Variants in HYAL4 observed in about 807,000 individuals in gnomAD.
The protein encoded by HYAL4 is hyaluronidase-4.
A neutral mutation model predicts 35.2 loss-of-function variants in HYAL4; 37 were observed. The observed-to-expected ratio is 1.05, with a 90% CI of 0.81 to 1.38. The LOEUF (loss-of-function observed/expected upper bound fraction) is 1.38. HYAL4 is among the 40% of genes most tolerant of loss of function. The pLI is 0.00. For missense variants in HYAL4, 572 were observed against 572.4 expected (o/e 1.00, Z 0.01); for synonymous variants, 198 against 203.2 (o/e 0.97, Z 0.22).
the HYAL4 span, among the ~76,000 whole-genome samples, chr7:123,822,503 C>T: frequency 1.3e-5 from 2 of 152,090 alleles, no homozygotes; most frequent in Admixed American, 1.3e-4. Context: ...ATCCTGCAAC[C>T]TTACTGAATT....
At chr7:123,765,538 A>G in the HYAL4 span, among the ~76,000 whole-genome samples, 1 of 152,192 alleles carries the variant, frequency 6.6e-6, no homozygotes, top group Non-Finnish European at 1.5e-5. Context: ...CTTAGTTTTC[A>G]TAAACTTTTC....
chr7:123,817,419 A>G, the HYAL4 span, among the ~76,000 whole-genome samples: 89 of 152,026 alleles, frequency 5.9e-4, no homozygotes, highest in African/African-American at 2.0e-3. Context: ...TTGTTGAGGC[A>G]TCATCATTTC....
intron 1 of HYAL4, among the ~76,000 whole-genome samples, chr7:123,836,060 G>A (rs1805959531): frequency 1.3e-5 from 2 of 152,032 alleles, no homozygotes; most frequent in African/African-American, 4.8e-5. Flanking sequence ...GTGGTTGTTG[G>A]GTAGAATATT....
chr7:123,801,466 A>G, the HYAL4 span, among the ~76,000 whole-genome samples: 3 of 152,260 alleles, frequency 2.0e-5, no homozygotes, highest in South Asian at 2.1e-4. Context: ...CTTTTCTCTC[A>G]TGAAAGGCCT....
intron 1 of HYAL4, among the ~76,000 whole-genome samples, chr7:123,839,815 C>A (rs1461035705): frequency 1.5e-5 from 2 of 131,964 alleles, no homozygotes; most frequent in Non-Finnish European, 3.2e-5. Context: ...ATCCTTTGCC[C>A]ACTTTTTAAT....
chr7:123,781,398 C>T, the HYAL4 span, among the ~76,000 whole-genome samples: 3 of 139,322 alleles, frequency 2.2e-5, no homozygotes, highest in Admixed American at 1.5e-4. Flanking sequence ...CCTGACACAT[C>T]CCCCTCTTTG....
intron 2 of HYAL4, among the ~76,000 whole-genome samples, chr7:123,857,685 C>CTTTGTTTG (rs1369815480): frequency 0.046 from 6,471 of 139,210 alleles, 207 homozygotes; most frequent in Middle Eastern, 0.081. Flanking sequence ...TTCTTTCTTT[C>CTTTGTTTG]TTTCTTTCTT....
the HYAL4 span, among the ~76,000 whole-genome samples, chr7:123,772,181 T>C: frequency 6.6e-6 from 1 of 152,176 alleles, no homozygotes; most frequent in African/African-American, 2.4e-5. Context: ...CTTTTTTATA[T>C]ATAAAAAGGT....
chr7:123,826,403 T>C (rs1805803381), upstream of HYAL4, among the ~76,000 whole-genome samples: 1 of 152,146 alleles, frequency 6.6e-6, no homozygotes, highest in African/African-American at 2.4e-5. Context: ...CAGTGCTGTA[T>C]AGCTGAATGG....
At chr7:123,875,789 C>G (rs957448195) in intron 4 of HYAL4, among the ~76,000 whole-genome samples, 4 of 151,794 alleles carry the variant, frequency 2.6e-5, no homozygotes, top group African/African-American at 9.7e-5. Flanking sequence ...TTCCATATTT[C>G]CAGATGCGGT....
At chr7:123,864,979 G>A (rs1272444091) in intron 2 of HYAL4, among the ~76,000 whole-genome samples, 1 of 151,958 alleles carries the variant, frequency 6.6e-6, no homozygotes, top group Non-Finnish European at 1.5e-5. Context: ...TCTACCATCT[G>A]CCATGTAAGG....
At chr7:123,856,565 G>A (rs866965645) in intron 2 of HYAL4, among the ~76,000 whole-genome samples, 3 of 152,260 alleles carry the variant, frequency 2.0e-5, no homozygotes, top group African/African-American at 7.2e-5. Context: ...TCCTCTGGAA[G>A]CTTTATCCCA....
At chr7:123,826,790 G>C (rs1196224422), upstream of HYAL4, among the ~76,000 whole-genome samples, 2 of 152,074 alleles carry the variant, frequency 1.3e-5, no homozygotes, top group Non-Finnish European at 2.9e-5. Flanking sequence ...GCGAGAGCTA[G>C]TAGTGATCTG....
At chr7:123,805,875 A>T in the HYAL4 span, among the ~76,000 whole-genome samples, 1 of 152,206 alleles carries the variant, frequency 6.6e-6, no homozygotes, top group South Asian at 2.1e-4. Context: ...GGCACCTGTA[A>T]TCCCAGCTAC....
At chr7:123,784,645 A>G in the HYAL4 span, among the ~76,000 whole-genome samples, 2 of 152,206 alleles carry the variant, frequency 1.3e-5, no homozygotes, top group Non-Finnish European at 1.5e-5. Flanking sequence ...TTTATTTAGC[A>G]ATGTTTTTCT....
chr7:123,874,978 C>G, intron 4 of HYAL4, 128 bp downstream of exon 4: 1 of 623,822 alleles, frequency 1.6e-6, no homozygotes, highest in Non-Finnish European at 2.9e-6. Flanking sequence ...GTGCCTGATA[C>G]ATAGCAAAGG....
At chr7:123,842,981 G>T (rs1007371626), upstream of HYAL4, among the ~76,000 whole-genome samples, 2 of 151,918 alleles carry the variant, frequency 1.3e-5, no homozygotes, top group Non-Finnish European at 2.9e-5. Flanking sequence ...TTTAATTGGG[G>T]CATTTAGTCT....
At chr7:123,850,677 G>A (rs927905930) in intron 2 of HYAL4, among the ~76,000 whole-genome samples, 3 of 152,184 alleles carry the variant, frequency 2.0e-5, no homozygotes, top group African/African-American at 7.2e-5. Flanking sequence ...CATGAATCCT[G>A]TGCTCTGTCT....
At chr7:123,858,153 T>C (rs1010590290) in intron 2 of HYAL4, among the ~76,000 whole-genome samples, 7 of 152,148 alleles carry the variant, frequency 4.6e-5, no homozygotes, top group Non-Finnish European at 1.0e-4. Context: ...GCTGATATTG[T>C]GCCACTACAC....
Sources: gnomAD v4.1 joint callset for allele counts (sites outside exome capture counted in the v4.1 genomes callset) on GRCh38, gnomAD v4.1.1 for gene constraint, MANE v1.5 for transcripts, NCBI Gene and HGNC (gene_info 2026-07-23, HGNC 2026-07-21) for gene names.